UTS2: variants seen among roughly 807,000 people sequenced by gnomAD.
UTS2 encodes the protein urotensin-2.
A neutral mutation model predicts 12.6 loss-of-function variants in UTS2; 10 were observed. The observed-to-expected ratio is 0.80, with a 90% confidence interval of 0.49 to 1.35. The LOEUF (loss-of-function observed/expected upper bound fraction) is 1.35, where lower values mean the gene tolerates loss of function less well. Among genes scored for constraint, UTS2 ranks in the 40% most tolerant of loss-of-function variants. UTS2 has a pLI of 0.00. For synonymous variants in UTS2, 52 were observed against 50.0 expected (o/e 1.04, Z -0.17); for missense variants, 142 against 143.2 (o/e 0.99, Z 0.04).
chr1:7,869,162 G>T, the UTS2 span, among the ~76,000 whole-genome samples: 45 of 152,342 alleles, frequency 3.0e-4, no homozygotes, highest in African/African-American at 1.1e-3. Flanking sequence ...GCTGCCCAAG[G>T]TGGAGAGGCC....
chr1:7,851,903 C>T, intron 1 of UTS2, among the ~76,000 whole-genome samples: 1 of 152,132 alleles, frequency 6.6e-6, no homozygotes, highest in Non-Finnish European at 1.5e-5. Flanking sequence ...TTTAAGATGA[C>T]AGTAGTAGCT....
At chr1:7,881,923 A>C in the UTS2 span, among the ~76,000 whole-genome samples, 1 of 152,248 alleles carries the variant, frequency 6.6e-6, no homozygotes, top group Non-Finnish European at 1.5e-5. Context: ...TTGGTATAAA[A>C]ATAGACACAT....
chr1:7,904,250 G>A, the UTS2 span, among the ~76,000 whole-genome samples: 1 of 151,490 alleles, frequency 6.6e-6, no homozygotes, highest in Admixed American at 6.6e-5. Context: ...AGGATAGCTT[G>A]AGCCCAAGAG....
the UTS2 span, among the ~76,000 whole-genome samples, chr1:7,877,126 C>A: frequency 8.0e-4 from 50 of 62,792 alleles, no homozygotes; most frequent in South Asian, 1.7e-3. Flanking sequence ...GAGACTCTAT[C>A]AAAAAAAAAA....
At chr1:7,908,771 CA>C in the UTS2 span, among the ~76,000 whole-genome samples, 6 of 151,324 alleles carry the variant, frequency 4.0e-5, no homozygotes, top group African/African-American at 1.2e-4. Context: ...GGAGGCCTCA[CA>C]ATCATGACAG....
the UTS2 span, among the ~76,000 whole-genome samples, chr1:7,909,713 C>T: frequency 6.6e-6 from 1 of 151,930 alleles, no homozygotes; most frequent in Non-Finnish European, 1.5e-5. Context: ...CTCTGCCTCC[C>T]AGGTTCAAGC....
chr1:7,882,773 C>T, the UTS2 span, among the ~76,000 whole-genome samples: 1 of 152,128 alleles, frequency 6.6e-6, no homozygotes. Context: ...ATAGACCTTT[C>T]TCAAAAGAAG....
chr1:7,863,127 T>TG, the UTS2 span, among the ~76,000 whole-genome samples: 2 of 150,474 alleles, frequency 1.3e-5, no homozygotes, highest in East Asian at 1.9e-4. Context: ...TGTATTGTAT[T>TG]TGAGACGAAG....
At chr1:7,875,175 C>T in the UTS2 span, among the ~76,000 whole-genome samples, 7,684 of 151,850 alleles carry the variant, frequency 0.051, 596 homozygotes, top group African/African-American at 0.17. Context: ...CCCAGGTTCA[C>T]GCTATTCTCC....
the UTS2 span, among the ~76,000 whole-genome samples, chr1:7,871,305 T>A: frequency 6.6e-6 from 1 of 151,826 alleles, no homozygotes; most frequent in Non-Finnish European, 1.5e-5. Context: ...CTCTTCCCAC[T>A]CCTCTATGTA....
upstream of UTS2, chr1:7,853,365 G>C: frequency 6.2e-7 from 1 of 1,614,164 alleles, no homozygotes; most frequent in Admixed American, 1.7e-5. Context: ...CCAAAGCAAA[G>C]AGACGTGGAT....
At chr1:7,911,207 G>A in the UTS2 span, among the ~76,000 whole-genome samples, 2 of 151,994 alleles carry the variant, frequency 1.3e-5, no homozygotes, top group Non-Finnish European at 2.9e-5. Flanking sequence ...TAGAACCAGG[G>A]TCTATATTTG....
chr1:7,855,682 C>CATTATT (rs35860049), upstream of UTS2, among the ~76,000 whole-genome samples: 3 of 147,528 alleles, frequency 2.0e-5, no homozygotes, highest in African/African-American at 7.5e-5. Flanking sequence ...CACATCTGGC[C>CATTATT]ATTATTATTA....
upstream of UTS2, among the ~76,000 whole-genome samples, chr1:7,856,508 C>T (rs933534233): frequency 3.2e-5 from 2 of 61,874 alleles, no homozygotes; most frequent in African/African-American, 1.3e-4. Flanking sequence ...CGAGAGAAGT[C>T]GGGGAAGCGT....
chr1:7,860,435 G>C, the UTS2 span, among the ~76,000 whole-genome samples: 878 of 152,234 alleles, frequency 5.8e-3, 11 homozygotes, highest in African/African-American at 0.02. Flanking sequence ...AGAAGTGTGG[G>C]AGTTGAGGCC....
the UTS2 span, among the ~76,000 whole-genome samples, chr1:7,893,399 G>A: frequency 6.6e-6 from 1 of 152,132 alleles, no homozygotes; most frequent in South Asian, 2.1e-4. Flanking sequence ...TGCTCGGGAG[G>A]CTGAGGTGGG....
At chr1:7,856,171 C>CAAA (rs1251230213), upstream of UTS2, among the ~76,000 whole-genome samples, 1 of 148,440 alleles carries the variant, frequency 6.7e-6, no homozygotes, top group African/African-American at 2.5e-5. Flanking sequence ...AGTAGGCAGA[C>CAAA]TCGATAAATA....
At chr1:7,911,723 G>A in the UTS2 span, among the ~76,000 whole-genome samples, 7 of 152,056 alleles carry the variant, frequency 4.6e-5, no homozygotes, top group Non-Finnish European at 7.4e-5. Context: ...CCAACATGGC[G>A]AAACCCCGTC....
the UTS2 span, among the ~76,000 whole-genome samples, chr1:7,878,211 A>T: frequency 7.2e-5 from 11 of 152,178 alleles, no homozygotes; most frequent in Admixed American, 1.3e-4. Flanking sequence ...AGGAGAAAAA[A>T]CGTCTTTCCC....
Sources: gnomAD v4.1 joint callset for allele counts (sites outside exome capture counted in the v4.1 genomes callset) on GRCh38, gnomAD v4.1.1 for gene constraint, MANE v1.5 for transcripts, NCBI Gene and HGNC (gene_info 2026-07-23, HGNC 2026-07-21) for gene names.